The following OR51E1 variants were observed in gnomAD, a reference collection of about 807,000 sequenced individuals.
OR51E1 encodes the protein olfactory receptor family 51 subfamily E member 1.
Under a neutral mutation model 11.5 loss-of-function variants are expected in OR51E1, and 9 were observed. The observed-to-expected ratio is 0.78, with a 90% confidence interval of 0.47 to 1.37. OR51E1 has a LOEUF of 1.37. Among genes scored for constraint, OR51E1 ranks in the 40% most tolerant of loss-of-function variants. The pLI is 0.00. For missense variants in OR51E1, 397 were observed against 410.2 expected (o/e 0.97, Z 0.28); for synonymous variants, 168 against 158.3 (o/e 1.06, Z -0.46).
intron 1 of OR51E1, among the ~76,000 whole-genome samples, chr11:4,651,222 C>T (rs562416652): frequency 3.9e-5 from 6 of 152,298 alleles, no homozygotes; most frequent in Admixed American, 1.3e-4. Flanking sequence ...AATGCCATCA[C>T]CCCTCAGGGT....
intron 1 of OR51E1, among the ~76,000 whole-genome samples, chr11:4,645,415 A>G (rs1156772468): frequency 1.3e-5 from 2 of 152,126 alleles, no homozygotes; most frequent in Non-Finnish European, 2.9e-5. Context: ...TTGCTGAGCT[A>G]TTGTTGTCTT....
In OR51E1 at chr11:4,645,256, C is replaced by T. The variant is rs370665927; in HGVS notation, c.-40+1226C>T. 3.2e-4 allele frequency among the ~76,000 whole-genome samples: 49 copies of T among 152,284 alleles called. 2 individuals carry two copies. The South Asian group carries it at 9.5e-3, about 30-fold the overall frequency. Reference sequence around the variant, plus strand: ...TGTTTCATCTCCAGTTTTTGACACTCAATATGTTTTTGTTGTCTAACCGAA... The same window carrying T: ...TGTTTCATCTCCAGTTTTTGACACTTAATATGTTTTTGTTGTCTAACCGAA... On this transcript the variant is annotated intron_variant, in intron 1 of 1. Transcript: ENST00000396952.
intron 1 of OR51E1, among the ~76,000 whole-genome samples, chr11:4,651,162 G>A (rs1265405599): frequency 6.6e-6 from 1 of 152,168 alleles, no homozygotes; most frequent in Non-Finnish European, 1.5e-5. Context: ...GATTCAGTTT[G>A]TTTGCAGACT....
rs765137303 is a variant in OR51E1 at position 4,652,915 on chromosome 11, G to C, written c.389G>C (p.Cys130Ser). ...GCTTTTGACCGCTATGTGGCCATCT[G>C]TCACCCACTGCGCCATGCCACAGTA... Reference protein sequence around the residue: ...AMAFDRYVAICHPLRHATVLT... With the variant: ...AMAFDRYVAISHPLRHATVLT... Residue 130 changes from cysteine (C) to serine (S), a missense_variant, in exon 2 of 2, where the codon TGT (cysteine) becomes TCT (serine). Transcript: ENST00000396952. 4.3e-6 allele frequency: 7 copies of C among 1,611,268 alleles called. No homozygotes were observed. The East Asian group carries it at 1.3e-4, about 31-fold the overall frequency.
At chr11:4,646,718 C>G (rs1847035140) in intron 1 of OR51E1, among the ~76,000 whole-genome samples, 1 of 152,162 alleles carries the variant, frequency 6.6e-6, no homozygotes, top group Admixed American at 6.5e-5. Flanking sequence ...TTGCAGCCCT[C>G]TTGGTTTCCC....
At chr11:4,644,953 G>T (rs1847010243) in intron 1 of OR51E1, among the ~76,000 whole-genome samples, 1 of 152,002 alleles carries the variant, frequency 6.6e-6, no homozygotes, top group South Asian at 2.1e-4. Context: ...TATCATTCTT[G>T]CTGGGGGACG....
At chr11:4,647,388 C>T (rs1286459341) in intron 1 of OR51E1, among the ~76,000 whole-genome samples, 1 of 152,134 alleles carries the variant, frequency 6.6e-6, no homozygotes, top group African/African-American at 2.4e-5. Context: ...TCTTCTGTCC[C>T]TCTGCCTGTC....
chr11:4,653,525 T>C lies in OR51E1; in HGVS notation c.*42T>C. The C allele has an allele frequency of 1.6e-6, 2 of 1,223,502 alleles. No homozygotes were observed. The highest frequency in any genetic ancestry group is 2.3e-6 in the Non-Finnish European group (2 of 862,844). The allele number at this position is 1,223,502 out of a possible 1,614,324, so 75.8% of individuals were successfully genotyped here. On this transcript the variant is annotated 3_prime_UTR_variant, in exon 2 of 2. Transcript: ENST00000396952. ...TTCTTTTCCATTCAGAGTCCTCTGA[T>C]TCAGATTTTAATGTTAACATTTTGG... is the stretch of plus-strand genomic sequence containing the variant.
At chr11:4,650,385 A>T (rs1236549343) in intron 1 of OR51E1, among the ~76,000 whole-genome samples, 1 of 152,198 alleles carries the variant, frequency 6.6e-6, no homozygotes, top group Non-Finnish European at 1.5e-5. Flanking sequence ...CTGGTGCCAC[A>T]TGCTGCAGAG....
At chr11:4,649,074 G>C (rs1231303025) in intron 1 of OR51E1, among the ~76,000 whole-genome samples, 5 of 152,062 alleles carry the variant, frequency 3.3e-5, no homozygotes, top group African/African-American at 4.8e-5. Flanking sequence ...AGACTCTCCT[G>C]TTGATAAAAC....
intron 1 of OR51E1, among the ~76,000 whole-genome samples, chr11:4,651,595 C>T (rs1225946518): frequency 2.6e-5 from 4 of 152,178 alleles, no homozygotes; most frequent in Admixed American, 6.5e-5. Flanking sequence ...TCCCATTTGA[C>T]CAAGGACAAT....
chr11:4,654,592 GATGGGAAGT>G lies in OR51E1; in HGVS notation c.*1114_*1122del, dbSNP rs1211311605. On this transcript the variant is annotated 3_prime_UTR_variant, in exon 2 of 2. Coordinates refer to ENST00000396952, the MANE Select transcript of OR51E1 (RefSeq NM_152430.4). ...GTGAGGTTAGGGAGCCACCAGTTAT[GATGGGAAGT>G]ATGGAATGGCAGGTCTTGAAGATAA... 1 of 167,146 alleles carries G rather than the reference GATGGGAAGT, an allele frequency of 6.0e-6. No homozygotes were observed. The highest frequency in any genetic ancestry group is 1.5e-5 in the Non-Finnish European group (1 of 68,138). The allele number at this position is 167,146 out of a possible 1,614,324, so 10.4% of individuals were successfully genotyped here.
intron 1 of OR51E1, among the ~76,000 whole-genome samples, chr11:4,644,555 C>T (rs558022871): frequency 5.9e-5 from 9 of 152,082 alleles, no homozygotes; most frequent in Non-Finnish European, 8.8e-5. Flanking sequence ...CCTGGGGCTC[C>T]GATCTCAGCT....
chr11:4,654,171 T>A lies in OR51E1; in HGVS notation c.*688T>A, dbSNP rs1847140635. 1 of 166,984 alleles carries A rather than the reference T, an allele frequency of 6.0e-6. No individual in the cohort carries two copies. Among genetic ancestry groups the A allele is most frequent in the Non-Finnish European group, 1.5e-5 (1 of 68,108 alleles). The allele number at this position is 166,984 out of a possible 1,614,324, so 10.3% of individuals were successfully genotyped here. On this transcript the variant is annotated 3_prime_UTR_variant, in exon 2 of 2. Transcript: ENST00000396952. ...CTCATTGTAGCCATGGGAAAATTGA[T>A]GTTCAGTGGGGATCAGTGAATTAAA...
chr11:4,646,297 C>T (rs2133223556), intron 1 of OR51E1, among the ~76,000 whole-genome samples: 1 of 152,334 alleles, frequency 6.6e-6, no homozygotes, highest in Admixed American at 6.5e-5. Flanking sequence ...TCCTTCCACA[C>T]TGAACCTAAG....
chr11:4,651,250 C>T (rs183822587), intron 1 of OR51E1, among the ~76,000 whole-genome samples: 2 of 152,286 alleles, frequency 1.3e-5, no homozygotes, highest in Admixed American at 1.3e-4. Context: ...CTAGTTGTAT[C>T]AATCTCACTT....
In OR51E1 at chr11:4,652,633, C is replaced by G; in HGVS notation, c.107C>G (p.Ser36Cys). ...AQFWLAFPLC[S>C]LYLIAVLGNL... ...TTCTGGTTGGCCTTCCCATTGTGCT[C>G]CCTCTACCTTATTGCTGTGCTAGGT... is the stretch of plus-strand genomic sequence containing the variant. The change falls in exon 2 of 2, where the codon TCC becomes TGC. Residue 36 changes from serine (S) to cysteine (C), a missense_variant. Coordinates refer to ENST00000396952, the MANE Select transcript of OR51E1 (RefSeq NM_152430.4). 1 of 1,614,066 alleles carries G rather than the reference C, an allele frequency of 6.2e-7. No individual in the cohort carries two copies. Among genetic ancestry groups the G allele is most frequent in the Non-Finnish European group, 8.5e-7 (1 of 1,179,982 alleles).
rs1206997934 is a variant in OR51E1 at position 4,654,612 on chromosome 11, A to G, written c.*1129A>G. The G allele has an allele frequency of 6.0e-6, 1 of 167,122 alleles. No individual in the cohort carries two copies. The highest frequency in any genetic ancestry group is 1.5e-5 in the Non-Finnish European group (1 of 68,140). 10.4% of individuals were successfully genotyped at this position (167,122 alleles called of 1,614,324 possible). A position where few individuals can be genotyped will look rare whatever the true frequency, so the allele number is the denominator to read the frequency against. On this transcript the variant is annotated 3_prime_UTR_variant, in exon 2 of 2. Transcript: ENST00000396952. ...GTTATGATGGGAAGTATGGAATGGC[A>G]GGTCTTGAAGATAACATTGGCCTTT... is the stretch of plus-strand genomic sequence containing the variant.
intron 1 of OR51E1, among the ~76,000 whole-genome samples, chr11:4,649,661 G>C (rs1847070291): frequency 6.6e-6 from 1 of 152,184 alleles, no homozygotes; most frequent in African/African-American, 2.4e-5. Flanking sequence ...TTGGGACTTT[G>C]TGGATGAGGA....
Sources: gnomAD v4.1 joint callset for allele counts (sites outside exome capture counted in the v4.1 genomes callset) on GRCh38, gnomAD v4.1.1 for gene constraint, MANE v1.5 for transcripts, NCBI Gene and HGNC (gene_info 2026-07-23, HGNC 2026-07-21) for gene names.